Variants in ATXN2 observed in about 807,000 individuals in gnomAD.
ATXN2 encodes the protein ataxin-2.
A neutral mutation model predicts 138.6 loss-of-function variants in ATXN2; 37 were observed. The observed-to-expected ratio is 0.27, with a 90% CI of 0.21 to 0.35. The LOEUF (loss-of-function observed/expected upper bound fraction) is 0.35. Among genes scored for constraint, ATXN2 ranks in the 10% least tolerant of loss-of-function variants. The probability of loss-of-function intolerance (pLI) is 1.00; values close to 1 mark genes in which losing one functional copy is unlikely to be tolerated. For missense variants in ATXN2, 1,216 were observed against 1,480.3 expected, an observed-to-expected ratio of 0.82 and a Z score of 2.93; for synonymous variants, 549 against 543.7, an observed-to-expected ratio of 1.01 and a Z score of -0.13.
chr12:111,529,345 G>A lies in ATXN2; in HGVS notation c.572-4029C>T, dbSNP rs542512613. ...TAACAACAAGATGCAAGAATACAAC[G>A]TGACTATTAGAAAAGTGTTACCTGT... is the stretch of plus-strand genomic sequence containing the variant. On this transcript the variant is annotated intron_variant, in intron 5 of 24. Transcript: ENST00000673436. 2.1e-5 allele frequency among the ~76,000 whole-genome samples: 3 copies of A among 142,640 alleles called. No homozygotes were observed. In the East Asian group the frequency reaches 6.7e-4, roughly 32 times the overall value. 93.6% of individuals were successfully genotyped at this position (142,640 alleles called of 152,430 possible). A position where few individuals can be genotyped will look rare whatever the true frequency, so the allele number is the denominator to read the frequency against.
intron 18 of ATXN2, among the ~76,000 whole-genome samples, chr12:111,484,900 T>G (rs979515222): frequency 6.6e-6 from 1 of 152,176 alleles, no homozygotes; most frequent in Non-Finnish European, 1.5e-5. Context: ...CCAGCTAATT[T>G]TTTTGAATTT....
intron 1 of ATXN2, among the ~76,000 whole-genome samples, chr12:111,590,154 C>T (rs1326429106): frequency 5.3e-5 from 8 of 152,060 alleles, no homozygotes; most frequent in Non-Finnish European, 1.0e-4. Flanking sequence ...GTGGAGGTTA[C>T]AGTGAGCCGA....
chr12:111,577,076 G>C (rs1046280303), intron 1 of ATXN2, among the ~76,000 whole-genome samples: 1 of 151,764 alleles, frequency 6.6e-6, no homozygotes, highest in Non-Finnish European at 1.5e-5. Context: ...CAAAGTGCTG[G>C]GATTACAGTC....
intron 5 of ATXN2, among the ~76,000 whole-genome samples, chr12:111,539,953 A>G (rs1448663022): frequency 1.3e-5 from 2 of 150,322 alleles, no homozygotes; most frequent in Non-Finnish European, 3.0e-5. Flanking sequence ...GAATTAGGTT[A>G]AGGAAAAGTC....
chr12:111,551,314 A>G (rs1238850153), intron 5 of ATXN2, among the ~76,000 whole-genome samples: 1 of 151,416 alleles, frequency 6.6e-6, no homozygotes, highest in Non-Finnish European at 1.5e-5. Flanking sequence ...AAAAAAAAAG[A>G]ATTTGAGAAC....
chr12:111,537,343 G>GAAA (rs747800103), intron 5 of ATXN2, among the ~76,000 whole-genome samples: 3 of 152,078 alleles, frequency 2.0e-5, no homozygotes, highest in Non-Finnish European at 2.9e-5. Flanking sequence ...CCAGCACTTT[G>GAAA]GGAGTCCGAG....
intron 5 of ATXN2, among the ~76,000 whole-genome samples, chr12:111,531,500 G>A (rs1203819334): frequency 2.0e-5 from 3 of 152,228 alleles, no homozygotes; most frequent in Non-Finnish European, 4.4e-5. Flanking sequence ...GGCTTCCCCA[G>A]GGAAGTGGGA....
intron 1 of ATXN2, among the ~76,000 whole-genome samples, chr12:111,589,513 T>C (rs1884534864): frequency 6.6e-6 from 1 of 151,200 alleles, no homozygotes; most frequent in South Asian, 2.1e-4. Context: ...GGCTTATGCC[T>C]GTAATTCCAG....
intron 1 of ATXN2, chr12:111,581,651 G>A (rs572120864): frequency 1.2e-5 from 9 of 743,536 alleles, no homozygotes; most frequent in Admixed American, 3.5e-5. Context: ...GATGGTTGGC[G>A]ACCTGATCAG....
At chr12:111,532,176 TTC>T (rs1880873828) in intron 5 of ATXN2, among the ~76,000 whole-genome samples, 1 of 150,494 alleles carries the variant, frequency 6.6e-6, no homozygotes, top group South Asian at 2.1e-4. Context: ...CATATCAAGA[TTC>T]TGTTTCTAAA....
At chr12:111,492,237 C>A (rs1235427615) in intron 14 of ATXN2, among the ~76,000 whole-genome samples, 1 of 152,152 alleles carries the variant, frequency 6.6e-6, no homozygotes, top group Non-Finnish European at 1.5e-5. Flanking sequence ...ACAGGGAATT[C>A]TCCCAGATCT....
At chr12:111,597,835 G>C (rs1373292012) in intron 1 of ATXN2, 1 of 1,279,022 alleles carries the variant, frequency 7.8e-7, no homozygotes, top group Non-Finnish European at 1.0e-6. Flanking sequence ...GTTGGGATAA[G>C]TGCGCAGGGT....
chr12:111,482,833 T>TAAAAAAAA (rs573617550), intron 18 of ATXN2: 1 of 136,460 alleles, frequency 7.3e-6, no homozygotes. Flanking sequence ...GTTCCAAGGC[T>TAAAAAAAA]AAAAAAAAAA....
At chr12:111,578,280 C>A (rs1220155632) in intron 1 of ATXN2, among the ~76,000 whole-genome samples, 1 of 152,112 alleles carries the variant, frequency 6.6e-6, no homozygotes, top group African/African-American at 2.4e-5. Context: ...CAGTAATGTC[C>A]TAGGCCTGCA....
At chr12:111,585,739 T>C (rs1446968420) in intron 1 of ATXN2, among the ~76,000 whole-genome samples, 1 of 127,508 alleles carries the variant, frequency 7.8e-6, no homozygotes, top group Non-Finnish European at 1.5e-5. Context: ...GAGGCGGAAC[T>C]ACAGTGAGCA....
intron 21 of ATXN2, 22 bp downstream of exon 21, chr12:111,464,640 T>C: frequency 1.9e-6 from 3 of 1,574,942 alleles, no homozygotes; most frequent in Non-Finnish European, 2.6e-6. Flanking sequence ...AATTAAAAAT[T>C]AGTATAAAAA....
intron 14 of ATXN2, among the ~76,000 whole-genome samples, chr12:111,496,774 T>C (rs943231592): frequency 2.6e-5 from 4 of 151,870 alleles, no homozygotes; most frequent in African/African-American, 9.7e-5. Context: ...AGTAAGTGCC[T>C]ACATCAAAAA....
rs759694846 is a variant in ATXN2, at chr12:111,586,388, G to GT, written c.251+12395dup. On this transcript the variant is annotated intron_variant, in intron 1 of 24. Coordinates refer to ENST00000673436, the MANE Select transcript of ATXN2 (RefSeq NM_001372574.1). The stretch of plus-strand genomic sequence containing the variant: ...AGGCGCCCGCCCAGCCCCAAGTCTG[G>GT]TTTTTTTTTTTTTTTTTTTTTTTTA... 6.0e-3 allele frequency among the ~76,000 whole-genome samples: 692 copies of GT among 114,828 alleles called. 6 individuals are homozygous for GT. The highest frequency in any genetic ancestry group is 0.011 in the South Asian group (37 of 3,222). The allele number at this position is 114,828 out of a possible 152,430, so 75.3% of individuals were successfully genotyped here. A position where few individuals can be genotyped will look rare whatever the true frequency, so the allele number is the denominator to read the frequency against.
chr12:111,454,018 G>A (rs1314081234), intron 23 of ATXN2, 173 bp from the exon 24 acceptor site: 12 of 645,244 alleles, frequency 1.9e-5, no homozygotes, highest in South Asian at 1.1e-4. Flanking sequence ...ACCTGAAGAC[G>A]CGCTTCACCT....
Sources: gnomAD v4.1 joint callset for allele counts (sites outside exome capture counted in the v4.1 genomes callset) on GRCh38, gnomAD v4.1.1 for gene constraint, MANE v1.5 for transcripts, NCBI Gene and HGNC (gene_info 2026-07-23, HGNC 2026-07-21) for gene names.